The following PRKACB variants were observed in gnomAD, a reference collection of about 807,000 sequenced individuals.
The protein encoded by PRKACB is cAMP-dependent protein kinase catalytic subunit beta.
PRKACB carries 16 observed loss-of-function variants against 51.4 expected under a neutral mutation model. The ratio of observed to expected loss-of-function variants is 0.31; its 90% CI spans 0.21 to 0.47. The LOEUF (loss-of-function observed/expected upper bound fraction) is 0.47, where lower values mean the gene tolerates loss of function less well. Among genes scored for constraint, PRKACB ranks in the 20% least tolerant of loss-of-function variants. PRKACB has a pLI of 1.00. For synonymous variants in PRKACB, 147 were observed against 154.4 expected, an observed-to-expected ratio of 0.95 and a Z score of 0.35; for missense variants, 309 against 464.5, an observed-to-expected ratio of 0.67 and a Z score of 3.08.
exon 1 of PRKACB, chr1:84,078,336 C>T (rs748951121): frequency 6.2e-7 from 1 of 1,612,154 alleles, no homozygotes; most frequent in Non-Finnish European, 8.5e-7. Flanking sequence ...ATGGGGAACG[C>T]GGCGACCGCC....
intron 1 of PRKACB, among the ~76,000 whole-genome samples, chr1:84,162,895 G>C (rs1022803959): frequency 9.9e-5 from 15 of 151,862 alleles, no homozygotes; most frequent in African/African-American, 3.6e-4. Context: ...TGTGGTAGTA[G>C]CTCTGGGTTT....
At chr1:84,211,087 G>A (rs1266076559) in intron 8 of PRKACB, among the ~76,000 whole-genome samples, 4 of 150,434 alleles carry the variant, frequency 2.7e-5, no homozygotes, top group South Asian at 4.2e-4. Context: ...TTCCCAAATC[G>A]TTCTGATATC....
At chr1:84,147,111 T>C (rs1298267280) in intron 1 of PRKACB, among the ~76,000 whole-genome samples, 1 of 152,110 alleles carries the variant, frequency 6.6e-6, no homozygotes, top group African/African-American at 2.4e-5. Flanking sequence ...AATGAAGGTC[T>C]AACTACAGTA....
chr1:84,130,673 A>T (rs1652098520), intron 1 of PRKACB, among the ~76,000 whole-genome samples: 1 of 152,328 alleles, frequency 6.6e-6, no homozygotes, highest in African/African-American at 2.4e-5. Context: ...CAGATTGAAG[A>T]AGCTTAGTGA....
At chr1:84,184,225 C>A in intron 4 of PRKACB, 90 bp downstream of exon 4, 1 of 1,124,660 alleles carries the variant, frequency 8.9e-7, no homozygotes, top group Non-Finnish European at 1.2e-6. Flanking sequence ...AGATGATAAG[C>A]CTGAAGAATA....
rs940296892 is a variant in PRKACB, at chr1:84,214,149, G to T, written c.907-4G>T. On this transcript the variant is annotated splice_polypyrimidine_tract_variant and splice_region_variant and intron_variant, in intron 8 of 9. Coordinates refer to ENST00000370685, the MANE Select transcript of PRKACB (RefSeq NM_182948.4). ...GTGTTTTACCAAATGGTGTGTTTGTGTAGGTCCGATTCCCATCCCACTTCA... is the reference window on the plus strand; with the variant it reads ...GTGTTTTACCAAATGGTGTGTTTGTTTAGGTCCGATTCCCATCCCACTTCA... The T allele has an allele frequency of 1.9e-6, 3 of 1,604,328 alleles. No homozygotes were observed. The highest frequency in any genetic ancestry group is 2.6e-6 in the Non-Finnish European group (3 of 1,176,438).
chr1:84,098,344 A>T (rs1230338390), intron 1 of PRKACB, among the ~76,000 whole-genome samples: 6 of 152,124 alleles, frequency 3.9e-5, no homozygotes, highest in Non-Finnish European at 7.4e-5. Flanking sequence ...ATCTCAATAT[A>T]CTGAGAGTAC....
intron 1 of PRKACB, among the ~76,000 whole-genome samples, chr1:84,080,795 G>A (rs1160901444): frequency 6.6e-6 from 1 of 152,086 alleles, no homozygotes; most frequent in Non-Finnish European, 1.5e-5. Flanking sequence ...GACCTCCGAA[G>A]AAGCTGGAGT....
At chr1:84,126,570 A>G (rs1195676578) in intron 1 of PRKACB, among the ~76,000 whole-genome samples, 1 of 152,150 alleles carries the variant, frequency 6.6e-6, no homozygotes, top group Non-Finnish European at 1.5e-5. Context: ...GGGACAGCCA[A>G]CATGGTTTTG....
rs190895654 is a variant in PRKACB at position 84,221,158 on chromosome 1, A to G, written c.1071+6841A>G. On this transcript the variant is annotated intron_variant, in intron 9 of 9. Coordinates refer to ENST00000370685, the MANE Select transcript of PRKACB (RefSeq NM_182948.4). ...TGGTCTGTTCAGATTTTCTGTTTCTATCTGGTTCAGTCTTTGTAGGTTGTA... is the reference window on the plus strand; with the variant it reads ...TGGTCTGTTCAGATTTTCTGTTTCTGTCTGGTTCAGTCTTTGTAGGTTGTA... Among the ~76,000 whole-genome samples, 4 of 152,052 alleles carry G rather than the reference A, an allele frequency of 2.6e-5. No homozygotes were observed. In the East Asian group the frequency reaches 7.7e-4, roughly 29 times the overall value.
At chr1:84,092,209 G>A (rs944442722) in intron 1 of PRKACB, among the ~76,000 whole-genome samples, 3 of 152,126 alleles carry the variant, frequency 2.0e-5, no homozygotes, top group Non-Finnish European at 4.4e-5. Context: ...GAATATTACT[G>A]AAACCCCAGA....
At chr1:84,205,230 G>T (rs1360693582) in intron 8 of PRKACB, 1 of 984,712 alleles carries the variant, frequency 1.0e-6, no homozygotes, top group Non-Finnish European at 1.2e-6. Context: ...CCATTAAAAG[G>T]CTCTGTATTA....
intron 1 of PRKACB, among the ~76,000 whole-genome samples, chr1:84,111,539 A>T (rs1212059900): frequency 6.6e-6 from 1 of 152,102 alleles, no homozygotes. Flanking sequence ...TTATAGAAAC[A>T]TCTCAAAGGA....
intron 1 of PRKACB, among the ~76,000 whole-genome samples, chr1:84,163,585 A>G (rs1449181299): frequency 6.6e-6 from 1 of 151,974 alleles, no homozygotes; most frequent in Non-Finnish European, 1.5e-5. Context: ...TGACTGAGCT[A>G]TAAAGGAGTG....
intron 1 of PRKACB, among the ~76,000 whole-genome samples, chr1:84,124,861 A>G (rs897939830): frequency 6.6e-6 from 1 of 152,178 alleles, no homozygotes; most frequent in Admixed American, 6.5e-5. Context: ...TTTCTCATCA[A>G]CACGAAGGGC....
chr1:84,205,431 G>A (rs1365136727), intron 8 of PRKACB: 1 of 237,724 alleles, frequency 4.2e-6, no homozygotes, highest in African/African-American at 2.3e-5. Context: ...AATCCAATTT[G>A]GTCTTATATT....
At chr1:84,201,233 A>G (rs1670018366) in intron 7 of PRKACB, among the ~76,000 whole-genome samples, 1 of 152,062 alleles carries the variant, frequency 6.6e-6, no homozygotes, top group African/African-American at 2.4e-5. Context: ...TTTTTAAAAT[A>G]TTTACTGATT....
intron 1 of PRKACB, among the ~76,000 whole-genome samples, chr1:84,169,951 T>G (rs997084026): frequency 2.2e-4 from 34 of 151,706 alleles, no homozygotes; most frequent in African/African-American, 8.2e-4. Context: ...AACTTAAAAA[T>G]CTTTTGAGGG....
Position 84,086,346 on chromosome 1 carries a change from G to A in PRKACB, c.46+7975G>A, listed in dbSNP as rs112073072. 862 of 679,608 alleles carry A rather than the reference G, an allele frequency of 1.3e-3. 4 individuals are homozygous for A. The African/African-American group carries it at 0.013, about 11-fold the overall frequency. 42.1% of individuals were successfully genotyped at this position (679,608 alleles called of 1,614,324 possible). A position where few individuals can be genotyped will look rare whatever the true frequency, so the allele number is the denominator to read the frequency against. On this transcript the variant is annotated intron_variant, in intron 1 of 8. Transcript: ENST00000370688. ...TGGGGCCCAGGCTCCAGCCATGAGT[G>A]CTTCTGAGCTGGCGGACTGCCCAGG...
Sources: allele counts gnomAD v4.1 joint callset (sites outside exome capture counted in the v4.1 genomes callset), GRCh38; gene constraint gnomAD v4.1.1; transcripts MANE v1.5; gene names NCBI Gene and HGNC (gene_info 2026-07-23, HGNC 2026-07-21).